Variants in RNF170 observed in about 807,000 individuals in gnomAD.
The protein encoded by RNF170 is E3 ubiquitin-protein ligase RNF170.
RNF170 carries 12 observed loss-of-function variants against 32.7 expected under a neutral mutation model. That is an observed-to-expected ratio of 0.37 (90% CI 0.24 to 0.60). The LOEUF (loss-of-function observed/expected upper bound fraction) is 0.60, where lower values mean the gene tolerates loss of function less well. Ranked by LOEUF, RNF170 falls within the 20% of genes least tolerant of loss-of-function variation. RNF170 has a pLI of 0.72. For synonymous variants in RNF170, 91 were observed against 103.6 expected (o/e 0.88, Z 0.74); for missense variants, 212 against 311.2 (o/e 0.68, Z 2.40).
intron 1 of RNF170, among the ~76,000 whole-genome samples, chr8:42,894,090 A>G (rs555327414): frequency 6.6e-6 from 1 of 152,396 alleles, no homozygotes; most frequent in East Asian, 1.9e-4. Context: ...AGGCTTACGT[A>G]GAAACTCAGC....
At chr8:42,857,150 C>T (rs978500555) in intron 6 of RNF170, among the ~76,000 whole-genome samples, 2 of 152,236 alleles carry the variant, frequency 1.3e-5, no homozygotes, top group South Asian at 2.1e-4. Context: ...AACAGTCATA[C>T]ACGCAAACTC....
In RNF170 at chr8:42,855,564, T is replaced by C. The variant is rs1173454725; in HGVS notation, c.*595A>G. Reference sequence around the variant, plus strand: ...TTAAAATGTGTTCTGTAAACTAGAATATGATATCGAAGTATGAAGTTCAAG... The same window carrying C: ...TTAAAATGTGTTCTGTAAACTAGAACATGATATCGAAGTATGAAGTTCAAG... On this transcript the variant is annotated 3_prime_UTR_variant, in exon 7 of 7. Coordinates refer to ENST00000527424, the MANE Select transcript of RNF170 (RefSeq NM_030954.4). The C allele has an allele frequency of 7.8e-7, 1 of 1,279,456 alleles. No individual in the cohort carries two copies. Among genetic ancestry groups the C allele is most frequent in the Non-Finnish European group, 1.0e-6 (1 of 981,400 alleles). The allele number at this position is 1,279,456 out of a possible 1,614,324, so 79.3% of individuals were successfully genotyped here.
chr8:42,865,558 A>C (rs1300251234), intron 4 of RNF170, 69 bp from the exon 5 acceptor site: 1 of 1,087,798 alleles, frequency 9.2e-7, no homozygotes, highest in Non-Finnish European at 1.4e-6. Context: ...ATATCCTCAG[A>C]AAGATTCAAC....
At chr8:42,883,088 T>C (rs1805543928) in intron 2 of RNF170, among the ~76,000 whole-genome samples, 1 of 151,458 alleles carries the variant, frequency 6.6e-6, no homozygotes, top group South Asian at 2.1e-4. Context: ...AGAAATCACA[T>C]GTTCTGACTT....
chr8:42,864,826 C>T (rs1046862591), intron 5 of RNF170, among the ~76,000 whole-genome samples: 1 of 151,548 alleles, frequency 6.6e-6, no homozygotes. Flanking sequence ...AGTATATATG[C>T]ATATATAGAG....
chr8:42,896,463 G>C (rs1055338168), intron 1 of RNF170, 21 bp downstream of exon 1: 3 of 453,654 alleles, frequency 6.6e-6, no homozygotes, highest in Non-Finnish European at 1.3e-5. Flanking sequence ...GGTGGGCGTG[G>C]CCGCCGCGCG....
chr8:42,897,157 G>T, upstream of RNF170: 1 of 1,249,030 alleles, frequency 8.0e-7, no homozygotes, highest in Non-Finnish European at 1.0e-6. Context: ...TCGCTGGAGC[G>T]GGCGGAGCTG....
rs1037699221 is a variant in RNF170 at position 42,855,045 on chromosome 8, A to G, written c.*1114T>C. On this transcript the variant is annotated 3_prime_UTR_variant, in exon 7 of 7. Transcript: ENST00000527424. ...ACCTTCCTATTGGCTTGATGCTCAA[A>G]GACACGAAGATTCACCTTCCTCAGA... 3 of 1,287,096 alleles carry G rather than the reference A, an allele frequency of 2.3e-6. No homozygotes were observed. The highest frequency in any genetic ancestry group is 1.5e-5 in the African/African-American group (1 of 65,784). 79.7% of individuals were successfully genotyped at this position (1,287,096 alleles called of 1,614,324 possible).
intron 2 of RNF170, 150 bp downstream of exon 2, chr8:42,887,578 A>T (rs1458148630): frequency 6.0e-5 from 43 of 720,988 alleles, no homozygotes; most frequent in Non-Finnish European, 1.0e-4. Context: ...TTAGCATTCA[A>T]AGCCCCGTGG....
At chr8:42,874,086 C>T in intron 2 of RNF170, 80 bp from the exon 3 acceptor site, 2 of 806,566 alleles carry the variant, frequency 2.5e-6, no homozygotes, top group East Asian at 5.3e-5. Flanking sequence ...TACTTTCTGA[C>T]TTATAACTAC....
rs142287776 is a variant in RNF170 at position 42,868,279 on chromosome 8, GTATC to G, written c.322+1721_322+1724del. Among the ~76,000 whole-genome samples the G allele has an allele frequency of 4.6e-3, 700 of 152,166 alleles. 11 individuals are homozygous for G. Among genetic ancestry groups the G allele is most frequent in the African/African-American group, 0.016 (667 of 41,498 alleles). ...CATCTCCAACTGCACAAATAACACT[GTATC>G]TAATAATTCTATACTATGAAGTTAG... is the stretch of plus-strand genomic sequence containing the variant. On this transcript the variant is annotated intron_variant, in intron 4 of 6. Transcript: ENST00000527424.
chr8:42,876,253 T>C (rs1471592815), intron 2 of RNF170, among the ~76,000 whole-genome samples: 1 of 150,702 alleles, frequency 6.6e-6, no homozygotes, highest in South Asian at 2.1e-4. Flanking sequence ...ATAGAATATA[T>C]TTTAAAAAAT....
intron 1 of RNF170, among the ~76,000 whole-genome samples, chr8:42,893,039 A>G (rs1311999953): frequency 1.3e-5 from 2 of 152,152 alleles, no homozygotes; most frequent in Non-Finnish European, 2.9e-5. Flanking sequence ...GTATAAAAAT[A>G]CCACAGGTAC....
chr8:42,871,171 C>T (rs1216637189), intron 3 of RNF170, among the ~76,000 whole-genome samples: 1 of 151,942 alleles, frequency 6.6e-6, no homozygotes, highest in Non-Finnish European at 1.5e-5. Flanking sequence ...GATCACACCG[C>T]TATACTCCTG....
upstream of RNF170, chr8:42,896,698 G>A (rs1170777496): frequency 2.6e-6 from 1 of 389,536 alleles, no homozygotes; most frequent in Admixed American, 2.7e-5. Context: ...GGCGGAGCGC[G>A]TGCTCGCCTC....
chr8:42,874,123 C>G (rs1443873482), intron 2 of RNF170, 117 bp from the exon 3 acceptor site: 7 of 698,190 alleles, frequency 1.0e-5, no homozygotes, highest in African/African-American at 1.8e-5. Context: ...TGATGGCATA[C>G]AAGCACTTCA....
chr8:42,891,449 C>T (rs1239308839), intron 1 of RNF170, among the ~76,000 whole-genome samples: 1 of 152,106 alleles, frequency 6.6e-6, no homozygotes, highest in Non-Finnish European at 1.5e-5. Context: ...TTGTCCTGTA[C>T]CTAACTCAGA....
chr8:42,879,661 A>C (rs752138904), intron 2 of RNF170, among the ~76,000 whole-genome samples: 1 of 152,090 alleles, frequency 6.6e-6, no homozygotes, highest in Non-Finnish European at 1.5e-5. Flanking sequence ...AAAAGCAATA[A>C]ATAAAGAATA....
chr8:42,883,392 G>A (rs1021225054), intron 2 of RNF170, among the ~76,000 whole-genome samples: 3 of 151,946 alleles, frequency 2.0e-5, no homozygotes, highest in Non-Finnish European at 2.9e-5. Context: ...TTAACGCCAC[G>A]GAATTACACA....
Sources: allele counts gnomAD v4.1 joint callset (sites outside exome capture counted in the v4.1 genomes callset), GRCh38; gene constraint gnomAD v4.1.1; transcripts MANE v1.5; gene names NCBI Gene and HGNC (gene_info 2026-07-23, HGNC 2026-07-21).